Variants in ZNF184 observed in about 807,000 individuals in gnomAD.
ZNF184 encodes zinc finger protein 184, also known as zinc finger protein 184 (Kruppel-like).
A neutral mutation model predicts 54.4 loss-of-function variants in ZNF184; 16 were observed. The ratio of observed to expected loss-of-function variants is 0.29; its 90% CI spans 0.20 to 0.45. ZNF184 has a LOEUF of 0.45. Among genes scored for constraint, ZNF184 ranks in the 20% least tolerant of loss-of-function variants. The pLI, the probability that ZNF184 is intolerant of heterozygous loss-of-function variation, is 1.00. For missense variants in ZNF184, 681 were observed against 888.2 expected, an observed-to-expected ratio of 0.77 and a Z score of 2.97; for synonymous variants, 254 against 295.3, an observed-to-expected ratio of 0.86 and a Z score of 1.43.
chr6:27,452,039 C>A lies in ZNF184; in HGVS notation c.1520G>T (p.Cys507Phe), dbSNP rs541852291. The A allele has an allele frequency of 1.2e-6, 2 of 1,614,028 alleles. No individual in the cohort carries two copies. Among genetic ancestry groups the A allele is most frequent in the African/African-American group, 2.7e-5 (2 of 75,046 alleles). Reference sequence around the variant, plus strand: ...TGAGAGATAACTGAAAGCCTTTCCACATTCACTGCATTCAAAGGGCTTTTC... The same window carrying A: ...TGAGAGATAACTGAAAGCCTTTCCAAATTCACTGCATTCAAAGGGCTTTTC... ...TREKPFECSE[C>F]GKAFSYLSNL... is the part of the protein sequence containing the mutation. The change falls in exon 6 of 6, where the codon TGT becomes TTT. Residue 507 changes from cysteine to phenylalanine, a missense_variant. Transcript: ENST00000683788. The surrounding 1 kb of genome is among the most constrained non-coding windows in gnomAD (Gnocchi z 5.5).
the ZNF184 span, among the ~76,000 whole-genome samples, chr6:27,424,338 C>A: frequency 6.6e-6 from 1 of 152,156 alleles, no homozygotes; most frequent in Non-Finnish European, 1.5e-5. Context: ...AGTAAAAGAA[C>A]AAAGCTTCCA....
chr6:27,431,313 C>T, the ZNF184 span, among the ~76,000 whole-genome samples: 1 of 152,186 alleles, frequency 6.6e-6, no homozygotes, highest in Non-Finnish European at 1.5e-5. Flanking sequence ...AAGACAGGAT[C>T]TAGATACAAG....
intron 3 of ZNF184, among the ~76,000 whole-genome samples, chr6:27,465,691 A>G (rs183560708): frequency 3.9e-5 from 6 of 152,270 alleles, no homozygotes; most frequent in Non-Finnish European, 7.4e-5. Context: ...GATTAAGAGA[A>G]CATAACAATC....
At chr6:27,410,768 G>C in the ZNF184 span, among the ~76,000 whole-genome samples, 1 of 152,196 alleles carries the variant, frequency 6.6e-6, no homozygotes, top group African/African-American at 2.4e-5. Flanking sequence ...CTGACCTCAG[G>C]TGATCCACCT....
chr6:27,451,725 T>G lies in ZNF184; in HGVS notation c.1834A>C (p.Lys612Gln). ...TQHKRIHTGA[K>Q]PYECAECGKA... ...CCACACTCAGCACACTCATAAGGCT[T>G]GGCTCCTGTATGAATTCTCTTATGC... Residue 612 changes from lysine to glutamine, a missense_variant, in exon 6 of 6, where the codon AAG becomes CAG. Coordinates refer to ENST00000683788, the MANE Select transcript of ZNF184 (RefSeq NM_001318891.2). 6.2e-7 allele frequency: 1 copy of G among 1,613,976 alleles called. No homozygotes were observed. The highest frequency in any genetic ancestry group is 8.5e-7 in the Non-Finnish European group (1 of 1,179,938).
At chr6:27,439,163 A>C in the ZNF184 span, among the ~76,000 whole-genome samples, 4 of 152,286 alleles carry the variant, frequency 2.6e-5, no homozygotes, top group East Asian at 7.7e-4. Context: ...AGTACTTTAA[A>C]TTTTGAGAAG....
the ZNF184 span, among the ~76,000 whole-genome samples, chr6:27,442,314 C>T: frequency 6.6e-6 from 1 of 152,118 alleles, no homozygotes; most frequent in East Asian, 1.9e-4. Flanking sequence ...ACCAGTTATG[C>T]AATTTTAAAT....
chr6:27,462,138 T>C (rs1254772710), intron 3 of ZNF184, among the ~76,000 whole-genome samples: 1 of 152,070 alleles, frequency 6.6e-6, no homozygotes, highest in East Asian at 1.9e-4. Flanking sequence ...TAACAAATCT[T>C]AAAAGGCCTG....
chr6:27,422,142 A>T, the ZNF184 span, among the ~76,000 whole-genome samples: 1 of 49,562 alleles, frequency 2.0e-5, no homozygotes, highest in Non-Finnish European at 4.0e-5. Flanking sequence ...CCGTACCTCA[A>T]AAAAAAAAAG....
chr6:27,457,510 G>T, intron 3 of ZNF184, 101 bp from the exon 4 acceptor site: 1 of 1,280,286 alleles, frequency 7.8e-7, no homozygotes, highest in Non-Finnish European at 1.1e-6. Context: ...TAGGATGTCT[G>T]CAAAATAATC....
At chr6:27,435,606 C>T in the ZNF184 span, among the ~76,000 whole-genome samples, 61 of 152,120 alleles carry the variant, frequency 4.0e-4, no homozygotes, top group Non-Finnish European at 8.1e-4. Context: ...TTACTTCTTC[C>T]TTTTCAATTT....
At chr6:27,448,764 C>CTT (rs10603749), downstream of ZNF184, among the ~76,000 whole-genome samples, 352 of 150,190 alleles carry the variant, frequency 2.3e-3, no homozygotes, top group African/African-American at 5.6e-3. Context: ...AATGCATTTC[C>CTT]TTTTTTTTTT....
chr6:27,424,776 C>T, the ZNF184 span, among the ~76,000 whole-genome samples: 4 of 152,250 alleles, frequency 2.6e-5, no homozygotes, highest in South Asian at 2.1e-4. Context: ...CAGTGGACCC[C>T]GCGCTGGGGC....
At position 27,464,354 on chromosome 6, in the gene ZNF184, A is replaced by T. The variant is rs112522085; in HGVS notation, c.75+3499T>A. 4.5e-4 allele frequency among the ~76,000 whole-genome samples: 69 copies of T among 152,352 alleles called. 1 individual carries two copies. The highest frequency in any genetic ancestry group is 1.6e-3 in the African/African-American group (65 of 41,586). On this transcript the variant is annotated intron_variant, in intron 3 of 5. Coordinates refer to ENST00000683788, the MANE Select transcript of ZNF184 (RefSeq NM_001318891.2). ...AACAAGTAAAATGTATGGCAACAATAGCATAAAAACTGTGGTGGGGGGAAT... is the reference window on the plus strand; with the variant it reads ...AACAAGTAAAATGTATGGCAACAATTGCATAAAAACTGTGGTGGGGGGAAT...
chr6:27,463,466 G>A (rs1266374983), intron 3 of ZNF184, among the ~76,000 whole-genome samples: 1 of 151,936 alleles, frequency 6.6e-6, no homozygotes, highest in South Asian at 2.1e-4. Context: ...TAAAAAAAGA[G>A]CCTTGGGGAG....
the ZNF184 span, among the ~76,000 whole-genome samples, chr6:27,438,377 A>G: frequency 0.58 from 88,835 of 152,054 alleles, 26,467 homozygotes; most frequent in Middle Eastern, 0.74. Context: ...AGGAAAAGGA[A>G]ATACTGGATT....
chr6:27,438,217 T>C, the ZNF184 span, among the ~76,000 whole-genome samples: 2 of 152,204 alleles, frequency 1.3e-5, no homozygotes, highest in African/African-American at 4.8e-5. Flanking sequence ...TTAGTACAGG[T>C]GACATTTCAT....
the ZNF184 span, among the ~76,000 whole-genome samples, chr6:27,430,780 T>C: frequency 6.6e-6 from 1 of 152,212 alleles, no homozygotes; most frequent in Non-Finnish European, 1.5e-5. Flanking sequence ...AGGAAACAAA[T>C]ATACTCTTCT....
chr6:27,436,865 C>T, the ZNF184 span, among the ~76,000 whole-genome samples: 1 of 152,136 alleles, frequency 6.6e-6, no homozygotes, highest in African/African-American at 2.4e-5. Flanking sequence ...GGCAATGAAA[C>T]ATCTGAAAAA....
Sources: gnomAD v4.1 joint callset for allele counts (sites outside exome capture counted in the v4.1 genomes callset) on GRCh38, gnomAD v4.1.1 for gene constraint, Gnocchi (gnomAD v3.1) non-coding constraint, MANE v1.5 for transcripts, NCBI Gene and HGNC (gene_info 2026-07-23, HGNC 2026-07-21) for gene names.